AHCYL2: variants seen among roughly 807,000 people sequenced by gnomAD.
AHCYL2 encodes S-adenosylhomocysteine hydrolase-like protein 2.
AHCYL2 carries 28 observed loss-of-function variants against 81.4 expected under a neutral mutation model. The observed-to-expected ratio is 0.34, with a 90% confidence interval of 0.25 to 0.47. The LOEUF (loss-of-function observed/expected upper bound fraction) is 0.47. Ranked by LOEUF, AHCYL2 falls within the 20% of genes least tolerant of loss-of-function variation. AHCYL2 has a pLI of 1.00. For synonymous variants in AHCYL2, 272 were observed against 290.2 expected, an observed-to-expected ratio of 0.94 and a Z score of 0.64; for missense variants, 551 against 785.1, an observed-to-expected ratio of 0.70 and a Z score of 3.56.
chr7:129,243,266 A>G (rs1584696650), intron 1 of AHCYL2, among the ~76,000 whole-genome samples: 1 of 151,146 alleles, frequency 6.6e-6, no homozygotes, highest in South Asian at 2.1e-4. Context: ...CTTGTGATCC[A>G]CCTGCCTCGG....
intron 1 of AHCYL2, among the ~76,000 whole-genome samples, chr7:129,333,039 T>TC (rs1231784284): frequency 6.6e-6 from 1 of 152,204 alleles, no homozygotes; most frequent in Admixed American, 6.5e-5. Flanking sequence ...AAATGGTTAC[T>TC]ATTGAGGGGT....
chr7:129,362,611 T>A (rs1034844950), intron 1 of AHCYL2, among the ~76,000 whole-genome samples: 1 of 145,650 alleles, frequency 6.9e-6, no homozygotes, highest in Admixed American at 6.8e-5. Context: ...TTTTTTTTTT[T>A]TTTTTTTTTT....
chr7:129,231,257 A>G (rs1027954758), intron 1 of AHCYL2, among the ~76,000 whole-genome samples: 4 of 152,070 alleles, frequency 2.6e-5, no homozygotes, highest in African/African-American at 9.7e-5. Context: ...GAAAAAAAAA[A>G]GCTGCTTTAG....
intron 1 of AHCYL2, among the ~76,000 whole-genome samples, chr7:129,370,465 A>G (rs531689484): frequency 6.4e-4 from 97 of 152,274 alleles, no homozygotes; most frequent in South Asian, 1.0e-3. Context: ...GGGGGAGGCC[A>G]GGGCGGGCAG....
At chr7:129,328,440 C>T (rs576849338) in intron 1 of AHCYL2, among the ~76,000 whole-genome samples, 80 of 151,626 alleles carry the variant, frequency 5.3e-4, no homozygotes, top group African/African-American at 1.8e-3. Context: ...CCTCCCAAAG[C>T]GCTGGGATTA....
At chr7:129,228,601 C>T (rs1380851113) in intron 1 of AHCYL2, among the ~76,000 whole-genome samples, 1 of 152,224 alleles carries the variant, frequency 6.6e-6, no homozygotes, top group Non-Finnish European at 1.5e-5. Context: ...GTAGTACTAG[C>T]TGAAAGGGAT....
At chr7:129,264,165 G>A (rs982915846) in intron 1 of AHCYL2, among the ~76,000 whole-genome samples, 15 of 152,286 alleles carry the variant, frequency 9.8e-5, no homozygotes, top group Admixed American at 5.9e-4. Context: ...GGGACTACAG[G>A]CACCCGCCAC....
At chr7:129,328,175 CTTTG>C (rs747725557) in intron 1 of AHCYL2, among the ~76,000 whole-genome samples, 14 of 151,798 alleles carry the variant, frequency 9.2e-5, no homozygotes, top group Non-Finnish European at 1.6e-4. Context: ...CCTGATTTGG[CTTTG>C]TTTGTTTGTT....
chr7:129,344,403 T>C (rs1793289948), intron 1 of AHCYL2, among the ~76,000 whole-genome samples: 1 of 152,208 alleles, frequency 6.6e-6, no homozygotes. Flanking sequence ...TAATGTGCTA[T>C]TCAGCAGTAA....
At chr7:129,238,864 A>G (rs1451052678) in intron 1 of AHCYL2, among the ~76,000 whole-genome samples, 2 of 152,128 alleles carry the variant, frequency 1.3e-5, no homozygotes, top group Non-Finnish European at 2.9e-5. Context: ...GAGGCAGGAA[A>G]ATCGCTTGAA....
chr7:129,387,099 C>T (rs1300003193), intron 2 of AHCYL2, among the ~76,000 whole-genome samples: 2 of 152,178 alleles, frequency 1.3e-5, no homozygotes, highest in Non-Finnish European at 2.9e-5. Flanking sequence ...GTCATGTTCT[C>T]CTATTATATA....
chr7:129,357,609 A>T (rs1793776343), intron 1 of AHCYL2, among the ~76,000 whole-genome samples: 1 of 152,180 alleles, frequency 6.6e-6, no homozygotes, highest in African/African-American at 2.4e-5. Context: ...TTCACATAAG[A>T]TGATGTCCAA....
intron 1 of AHCYL2, among the ~76,000 whole-genome samples, chr7:129,321,340 A>G (rs1188674590): frequency 6.6e-6 from 1 of 152,178 alleles, no homozygotes; most frequent in Admixed American, 6.5e-5. Flanking sequence ...GTTCTGTTCT[A>G]GTCTTAGTTT....
chr7:129,326,207 C>T (rs1798218745), intron 1 of AHCYL2, among the ~76,000 whole-genome samples: 2 of 151,646 alleles, frequency 1.3e-5, no homozygotes, highest in Non-Finnish European at 1.5e-5. Flanking sequence ...AAATGCTGTC[C>T]ATATATTTTT....
intron 2 of AHCYL2, among the ~76,000 whole-genome samples, chr7:129,381,640 T>G (rs1418142185): frequency 3.0e-4 from 45 of 152,210 alleles, no homozygotes; most frequent in Admixed American, 2.9e-3. Context: ...AGGGTGCTAC[T>G]TACTATACAT....
At chr7:129,356,797 A>G (rs142667828) in intron 1 of AHCYL2, among the ~76,000 whole-genome samples, 71 of 152,284 alleles carry the variant, frequency 4.7e-4, no homozygotes, top group African/African-American at 1.5e-3. Flanking sequence ...AAGATACTCC[A>G]AAAGTTTGTC....
At position 129,269,748 on chromosome 7, in the gene AHCYL2, T is replaced by A. The variant is rs115045513; in HGVS notation, c.363+44309T>A. Among the ~76,000 whole-genome samples the A allele has an allele frequency of 5.1e-3, 773 of 152,340 alleles. 11 individuals carry two copies. Among genetic ancestry groups the A allele is most frequent in the African/African-American group, 0.018 (739 of 41,574 alleles). On this transcript the variant is annotated intron_variant, in intron 1 of 16. Transcript: ENST00000325006. ...AATGAGTTCTTTTTGTATTCCGTAA[T>A]TTTTAGAGTTCACCTTAAATTTTAC...
intron 1 of AHCYL2, among the ~76,000 whole-genome samples, chr7:129,307,084 G>A (rs564597428): frequency 7.2e-5 from 11 of 152,260 alleles, no homozygotes; most frequent in Non-Finnish European, 1.0e-4. Context: ...TGTCCAGGGG[G>A]TGCTGTGACC....
rs59849233 is a variant in AHCYL2 at position 129,280,178 on chromosome 7, C to CTTTTTTTT, written c.363+54743_363+54750dup. Among the ~76,000 whole-genome samples the CTTTTTTTT allele has an allele frequency of 7.1e-5, 8 of 112,562 alleles. 3 individuals carry two copies. Among genetic ancestry groups the CTTTTTTTT allele is most frequent in the Non-Finnish European group, 7.0e-5 (4 of 56,914 alleles). The allele number at this position is 112,562 out of a possible 152,430, so 73.8% of individuals were successfully genotyped here. On this transcript the variant is annotated intron_variant, in intron 1 of 16. Transcript: ENST00000325006. ...TTATAGTCTTTAAGTTTGCTAAATACTTTTTTTTTTTGAGAGAGTCTCGCT... is the reference window on the plus strand; with the variant it reads ...TTATAGTCTTTAAGTTTGCTAAATACTTTTTTTTTTTTTTTTTTTGAGAGAGTCTCGCT...
Sources: gnomAD v4.1 joint callset for allele counts (sites outside exome capture counted in the v4.1 genomes callset) on GRCh38, gnomAD v4.1.1 for gene constraint, MANE v1.5 for transcripts, NCBI Gene and HGNC (gene_info 2026-07-23, HGNC 2026-07-21) for gene names.